The following ANKS3 variants were observed in gnomAD, a reference collection of about 807,000 sequenced individuals.
ANKS3 encodes the protein ankyrin repeat and sterile alpha motif domain containing 3.
Under a neutral mutation model 80.7 loss-of-function variants are expected in ANKS3, and 62 were observed. The ratio of observed to expected loss-of-function variants is 0.77; its 90% CI spans 0.63 to 0.95. The LOEUF is 0.95. ANKS3 is among the 40% of genes least tolerant of loss of function. The pLI is 0.00. For synonymous variants in ANKS3, 489 were observed against 355.3 expected, an observed-to-expected ratio of 1.38 and a Z score of -4.23; for missense variants, 1,150 against 883.6, an observed-to-expected ratio of 1.30 and a Z score of -3.82.
In ANKS3 at chr16:4,702,217, G is replaced by C; in HGVS notation, c.894C>G (p.Val298=). ...RYEQAPPRGY[V]TFNSSGENPL... ...GGTTCTCGCCACTGCTGTTGAAGGT[G>C]ACATAGCCACGGGGAGGAGCCTGCT... The change falls in exon 9 of 18, where the codon GTC becomes GTG. Residue 298 remains valine (V), a synonymous_variant. Transcript: ENST00000304283. The C allele has an allele frequency of 6.3e-7, 1 of 1,586,018 alleles. No individual in the cohort carries two copies. The highest frequency in any genetic ancestry group is 1.1e-5 in the South Asian group (1 of 88,276).
chr16:4,711,269 A>C (rs1282428330), intron 7 of ANKS3, among the ~76,000 whole-genome samples: 1 of 151,412 alleles, frequency 6.6e-6, no homozygotes, highest in African/African-American at 2.4e-5. Flanking sequence ...ACGCCCAGCT[A>C]ATTTTATATT....
chr16:4,704,075 G>A (rs1388705578), intron 8 of ANKS3, among the ~76,000 whole-genome samples: 9 of 152,214 alleles, frequency 5.9e-5, no homozygotes, highest in Admixed American at 3.3e-4. Flanking sequence ...CTCAGCGGAC[G>A]GGACACGGGC....
At chr16:4,717,310 A>C (rs2080853321) in intron 6 of ANKS3, 2 of 152,188 alleles carry the variant, frequency 1.3e-5, no homozygotes, top group Admixed American at 1.3e-4. Context: ...GCACTTTTGG[A>C]GGCTGAGGTG....
In ANKS3 at chr16:4,727,160, T is replaced by C; in HGVS notation, c.188A>G (p.Asn63Ser). Residue 63 changes from asparagine to serine, a missense_variant, in exon 4 of 18, where the codon AAT becomes AGT. Physicochemically the swap from Asn to Ser is conservative, Grantham distance 46 (BLOSUM62 1). Transcript: ENST00000304283. ...ECVQRRELDL[N>S]KKNGGGWTPL... ...GGTCCAGCCACCACCATTCTTCTTA[T>C]TCAAATCTAACTCTCTCCTAAACAA... is the stretch of plus-strand genomic sequence containing the variant. The C allele has an allele frequency of 6.2e-7, 1 of 1,614,160 alleles. No individual in the cohort carries two copies. The highest frequency in any genetic ancestry group is 8.5e-7 in the Non-Finnish European group (1 of 1,180,046).
intron 6 of ANKS3, among the ~76,000 whole-genome samples, chr16:4,722,028 G>A (rs923111208): frequency 6.6e-6 from 1 of 151,438 alleles, no homozygotes; most frequent in Non-Finnish European, 1.5e-5. Context: ...GCAGGACCAT[G>A]AGCATGTGTG....
rs549157390 is a variant in ANKS3, at chr16:4,713,950, G to C, written c.709+101C>G. 8 of 1,487,656 alleles carry C rather than the reference G, an allele frequency of 5.4e-6. No homozygotes were observed. In the African/African-American group the frequency reaches 1.1e-4, roughly 21 times the overall value. The allele number at this position is 1,487,656 out of a possible 1,614,324, so 92.2% of individuals were successfully genotyped here. On this transcript the variant is annotated intron_variant, in intron 7 of 17. Transcript: ENST00000304283. ...GGAGGCAGAGCCAAATCTCAGAGAA[G>C]GTGGGAGCCGGGGAAGCGGGGGACA... is the stretch of plus-strand genomic sequence containing the variant.
At chr16:4,705,368 G>A (rs1318769532) in intron 7 of ANKS3, 115 bp from the exon 8 acceptor site, 1 of 1,280,482 alleles carries the variant, frequency 7.8e-7, no homozygotes, top group Non-Finnish European at 1.1e-6. Context: ...TAAGGAGAAG[G>A]GTATCTGCCA....
chr16:4,698,268 C>A, intron 14 of ANKS3, 159 bp downstream of exon 14: 4 of 1,206,428 alleles, frequency 3.3e-6, no homozygotes, highest in Non-Finnish European at 4.5e-6. Context: ...CTGGGTCTGC[C>A]TGCAGGAAGG....
At chr16:4,700,556 A>C in intron 11 of ANKS3, 1 of 351,348 alleles carries the variant, frequency 2.8e-6, no homozygotes, top group Non-Finnish European at 5.6e-6. Flanking sequence ...TCCCTAAGGT[A>C]ATGTGTGGTC....
At chr16:4,709,864 A>C (rs1684587) in intron 7 of ANKS3, among the ~76,000 whole-genome samples, 1 of 151,854 alleles carries the variant, frequency 6.6e-6, no homozygotes, top group African/African-American at 2.4e-5. Context: ...ATAAAACATT[A>C]GCCAGGTGTG....
intron 9 of ANKS3, 83 bp downstream of exon 9, chr16:4,702,019 G>C (rs2079936268): frequency 2.1e-6 from 3 of 1,462,386 alleles, no homozygotes; most frequent in Non-Finnish European, 2.7e-6. Context: ...CCAGCGCCAG[G>C]CCCAGGGGAT....
rs189772425 is a variant in ANKS3 at position 4,716,932 on chromosome 16, T to C, written c.574-2746A>G. ...TCCATCTCAAAAAAATAATAATAAA[T>C]AATAACAATAATTTATAAGCTGGGC... On this transcript the variant is annotated intron_variant, in intron 6 of 17. Transcript: ENST00000304283. 2.0e-3 allele frequency among the ~76,000 whole-genome samples: 299 copies of C among 149,094 alleles called. 3 individuals carry two copies. Among genetic ancestry groups the C allele is most frequent in the African/African-American group, 6.1e-3 (244 of 40,288 alleles).
intron 11 of ANKS3, 96 bp downstream of exon 11, chr16:4,700,874 A>T (rs895632306): frequency 6.7e-7 from 1 of 1,495,186 alleles, no homozygotes. Context: ...CTGTTCTCCT[A>T]GCAGCGCCTG....
At position 4,714,402 on chromosome 16, in the gene ANKS3, TG is replaced by T. The variant is rs528660402; in HGVS notation, c.574-217del. The stretch of plus-strand genomic sequence containing the variant: ...TCTTAGGGACAAGGATGAGGAGGGC[TG>T]GGGGCTGGGGAGTCATCTCCCACGC... On this transcript the variant is annotated intron_variant, in intron 6 of 17. Coordinates refer to ENST00000304283, the MANE Select transcript of ANKS3 (RefSeq NM_133450.4). The T allele has an allele frequency of 2.9e-4, 186 of 638,544 alleles. No individual in the cohort carries two copies. In the African/African-American group the frequency reaches 3.2e-3, roughly 11 times the overall value. 39.6% of individuals were successfully genotyped at this position (638,544 alleles called of 1,614,324 possible). A position where few individuals can be genotyped will look rare whatever the true frequency, so the allele number is the denominator to read the frequency against.
intron 11 of ANKS3, chr16:4,700,600 G>C (rs2079844998): frequency 5.4e-6 from 2 of 373,016 alleles, no homozygotes; most frequent in South Asian, 2.1e-5. Flanking sequence ...GATGGTGGCA[G>C]CTGTAACCAT....
At chr16:4,706,321 C>T (rs2080187060) in intron 7 of ANKS3, among the ~76,000 whole-genome samples, 1 of 152,116 alleles carries the variant, frequency 6.6e-6, no homozygotes, top group Non-Finnish European at 1.5e-5. Flanking sequence ...AGCTCCACCT[C>T]CTGGGTTCAC....
chr16:4,697,092 C>T lies in ANKS3; in HGVS notation c.1907G>A (p.Cys636Tyr). ...DRVREMGQAL[C>Y]LVTQSLEKLQ... ...CTTCTCCAGGCTCTGGGTCACTAAG[C>T]ACAGTGCTTGCCCTGAGGAATGATG... is the stretch of plus-strand genomic sequence containing the variant. The change falls in exon 17 of 18, where the codon TGC becomes TAC. Residue 636 changes from cysteine (C) to tyrosine (Y), a missense_variant. Cys to Tyr is a radical substitution (Grantham distance 194). Coordinates refer to ENST00000304283, the MANE Select transcript of ANKS3 (RefSeq NM_133450.4). 9 of 1,613,786 alleles carry T rather than the reference C, an allele frequency of 5.6e-6. No homozygotes were observed. Among genetic ancestry groups the T allele is most frequent in the Middle Eastern group, 1.6e-4 (1 of 6,062 alleles).
chr16:4,698,609 G>T lies in ANKS3; in HGVS notation c.1552-10C>A. The T allele has an allele frequency of 6.5e-7, 1 of 1,547,208 alleles. No homozygotes were observed. Reference sequence around the variant, plus strand: ...CTACCTCCTCGCAGCGCTGCAGGGGGGTGGGGGGCGCGGGGAGGCTGGGAG... The same window carrying T: ...CTACCTCCTCGCAGCGCTGCAGGGGTGTGGGGGGCGCGGGGAGGCTGGGAG... On this transcript the variant is annotated splice_polypyrimidine_tract_variant and intron_variant, in intron 13 of 17. Transcript: ENST00000304283.
chr16:4,698,217 C>G (rs2079686125), intron 14 of ANKS3, 155 bp from the exon 15 acceptor site: 3 of 1,117,902 alleles, frequency 2.7e-6, no homozygotes, highest in Non-Finnish European at 3.7e-6. Flanking sequence ...CACTAAAGAG[C>G]AGGAGGGCGA....
Sources: allele counts gnomAD v4.1 joint callset (sites outside exome capture counted in the v4.1 genomes callset), GRCh38; gene constraint gnomAD v4.1.1; transcripts MANE v1.5; gene names NCBI Gene and HGNC (gene_info 2026-07-23, HGNC 2026-07-21).